SEM1: variants seen among roughly 807,000 people sequenced by gnomAD.
The protein encoded by SEM1 is SEM1 26S proteasome subunit, also known as 26S proteasome complex subunit SEM1.
Under a neutral mutation model 12.7 loss-of-function variants are expected in SEM1, and 3 were observed. That is an observed-to-expected ratio of 0.24 (90% CI 0.11 to 0.61). SEM1 has a LOEUF of 0.61. SEM1 is among the 20% of genes least tolerant of loss of function. The probability of loss-of-function intolerance (pLI) is 0.88; values close to 1 mark genes in which losing one functional copy is unlikely to be tolerated. For synonymous variants in SEM1, 30 were observed against 27.8 expected (o/e 1.08, Z -0.25); for missense variants, 59 against 81.3 (o/e 0.73, Z 1.06).
chr7:96,497,450 A>G (rs1174946543), upstream of SEM1, among the ~76,000 whole-genome samples: 23 of 152,212 alleles, frequency 1.5e-4, no homozygotes, highest in Non-Finnish European at 5.9e-5. Context: ...ATAAAATGGT[A>G]CATGCTTAAA....
At chr7:96,688,669 T>A, downstream of SEM1, 1 of 277,772 alleles carries the variant, frequency 3.6e-6, no homozygotes, top group Non-Finnish European at 6.6e-6. Context: ...AATTTCATAA[T>A]ATGAAATTTT....
chr7:96,581,754 A>T (rs1475313009), intron 2 of SEM1, among the ~76,000 whole-genome samples: 1 of 151,880 alleles, frequency 6.6e-6, no homozygotes, highest in Non-Finnish European at 1.5e-5. Context: ...GAGTTCACTC[A>T]TGATTTGGCT....
chr7:96,530,948 A>G (rs967846568), intron 2 of SEM1, among the ~76,000 whole-genome samples: 3 of 152,104 alleles, frequency 2.0e-5, no homozygotes, highest in Non-Finnish European at 4.4e-5. Context: ...GAGAAAAGGA[A>G]CATTTATTTA....
chr7:96,521,040 C>CA (rs909363998), intron 2 of SEM1, among the ~76,000 whole-genome samples: 10 of 151,546 alleles, frequency 6.6e-5, no homozygotes, highest in East Asian at 1.9e-4. Flanking sequence ...CAAAACCTCA[C>CA]AAAAAAAAGG....
intron 2 of SEM1, among the ~76,000 whole-genome samples, chr7:96,529,932 TA>T (rs2115706428): frequency 6.6e-6 from 1 of 152,214 alleles, no homozygotes; most frequent in Non-Finnish European, 1.5e-5. Flanking sequence ...GCTCCTAGCA[TA>T]AAAACAGTTG....
chr7:96,561,377 C>T (rs1017035266), intron 2 of SEM1, among the ~76,000 whole-genome samples: 5 of 152,184 alleles, frequency 3.3e-5, no homozygotes, highest in African/African-American at 1.2e-4. Flanking sequence ...GGAACTGCTG[C>T]TCCAGAAATT....
At chr7:96,685,175 A>T (rs1789724872), downstream of SEM1, among the ~76,000 whole-genome samples, 1 of 152,188 alleles carries the variant, frequency 6.6e-6, no homozygotes, top group South Asian at 2.1e-4. Flanking sequence ...CAATCTTTCA[A>T]AAGGGACTTG....
chr7:96,662,977 T>G (rs935068272), intron 2 of SEM1, among the ~76,000 whole-genome samples: 1 of 152,158 alleles, frequency 6.6e-6, no homozygotes, highest in Non-Finnish European at 1.5e-5. Flanking sequence ...CCACAAAAAT[T>G]TGAACACATA....
intron 1 of SEM1, among the ~76,000 whole-genome samples, chr7:96,705,554 GC>G (rs950242045): frequency 5.3e-5 from 8 of 152,064 alleles, no homozygotes; most frequent in African/African-American, 1.7e-4. Flanking sequence ...TAGGCTGGGC[GC>G]GGTGGCTCAT....
chr7:96,552,703 C>T (rs989638212), intron 2 of SEM1, among the ~76,000 whole-genome samples: 2 of 151,590 alleles, frequency 1.3e-5, no homozygotes, highest in African/African-American at 4.8e-5. Context: ...TGGGTATATA[C>T]CCAGTAATGG....
At chr7:96,568,288 A>T (rs918481999) in intron 2 of SEM1, among the ~76,000 whole-genome samples, 4 of 151,784 alleles carry the variant, frequency 2.6e-5, no homozygotes, top group African/African-American at 9.7e-5. Flanking sequence ...GCAAAGACAC[A>T]TTTTAAATAT....
chr7:96,651,496 G>C (rs1370624228), intron 2 of SEM1, among the ~76,000 whole-genome samples: 1 of 152,128 alleles, frequency 6.6e-6, no homozygotes, highest in Admixed American at 6.5e-5. Flanking sequence ...TAGGTAAAAG[G>C]CATGTGTGAT....
At chr7:96,505,174 C>T (rs1327068823) in intron 3 of SEM1, among the ~76,000 whole-genome samples, 1 of 152,006 alleles carries the variant, frequency 6.6e-6, no homozygotes, top group African/African-American at 2.4e-5. Flanking sequence ...GCCATCTCAG[C>T]TCACTGCAAC....
At chr7:96,573,592 G>GCC in intron 2 of SEM1, among the ~76,000 whole-genome samples, 1 of 152,182 alleles carries the variant, frequency 6.6e-6, no homozygotes, top group Non-Finnish European at 1.5e-5. Flanking sequence ...TTGAATATTG[G>GCC]CCCCCCTCTC....
chr7:96,630,508 G>A (rs898797461), intron 2 of SEM1, among the ~76,000 whole-genome samples: 1 of 152,058 alleles, frequency 6.6e-6, no homozygotes, highest in Non-Finnish European at 1.5e-5. Flanking sequence ...TGCCTGGTTT[G>A]GGACTCACTT....
intron 2 of SEM1, among the ~76,000 whole-genome samples, chr7:96,523,215 A>G (rs78558126): frequency 0.012 from 1,796 of 152,256 alleles, 39 homozygotes; most frequent in African/African-American, 0.041. Flanking sequence ...AAGAATCTCA[A>G]CCAAACTTAG....
intron 1 of SEM1, among the ~76,000 whole-genome samples, chr7:96,703,652 T>A (rs1409419178): frequency 6.6e-6 from 1 of 151,924 alleles, no homozygotes; most frequent in Admixed American, 6.6e-5. Flanking sequence ...TATTCCATTT[T>A]TTTTTTTTCT....
At chr7:96,497,520 TG>T (rs1481214935), upstream of SEM1, among the ~76,000 whole-genome samples, 1 of 152,202 alleles carries the variant, frequency 6.6e-6, no homozygotes, top group Non-Finnish European at 1.5e-5. Flanking sequence ...TAGTCTCTAA[TG>T]TATCACATTT....
intron 2 of SEM1, among the ~76,000 whole-genome samples, chr7:96,575,430 A>C (rs1806171893): frequency 6.6e-6 from 1 of 152,184 alleles, no homozygotes; most frequent in Non-Finnish European, 1.5e-5. Context: ...TCTCCCAGAC[A>C]GGAGGCATGG....
Sources: gnomAD v4.1 joint callset for allele counts (sites outside exome capture counted in the v4.1 genomes callset) on GRCh38, gnomAD v4.1.1 for gene constraint, MANE v1.5 for transcripts, NCBI Gene and HGNC (gene_info 2026-07-23, HGNC 2026-07-21) for gene names.